Variants in SGCG observed in about 807,000 individuals in gnomAD.
SGCG encodes gamma-sarcoglycan.
In SGCG, 26 loss-of-function variants were observed where a neutral mutation model predicts 29.3. That is an observed-to-expected ratio of 0.89 (90% CI 0.65 to 1.23). SGCG has a LOEUF of 1.23. SGCG is among the 50% of genes most tolerant of loss of function. SGCG has a pLI of 0.00. For missense variants in SGCG, 353 were observed against 356.0 expected (o/e 0.99, Z 0.07); for synonymous variants, 145 against 129.7 (o/e 1.12, Z -0.80).
intron 1 of SGCG, among the ~76,000 whole-genome samples, chr13:23,189,797 A>G (rs1877165855): frequency 6.6e-6 from 1 of 152,186 alleles, no homozygotes; most frequent in Non-Finnish European, 1.5e-5. Context: ...ACTTAAGAGT[A>G]ATTTTCTTGG....
rs574086376 is a variant in SGCG at position 23,313,018 on chromosome 13, T to C, written c.579-7619T>C. On this transcript the variant is annotated intron_variant, in intron 6 of 7. Transcript: ENST00000218867. ...GCCATTGATAATCCTCTGAACTGTT[T>C]CCTGAAAATAAAAGATTAGGTTTTC... 9.2e-5 allele frequency among the ~76,000 whole-genome samples: 14 copies of C among 152,328 alleles called. No homozygotes were observed. In the South Asian group the frequency reaches 1.4e-3, roughly 16 times the overall value.
intron 5 of SGCG, among the ~76,000 whole-genome samples, chr13:23,290,582 A>G (rs748348289): frequency 1.1e-4 from 17 of 152,202 alleles, no homozygotes; most frequent in Non-Finnish European, 2.1e-4. Context: ...AGGCAGGTTG[A>G]AGTGGTTACA....
chr13:23,282,292 T>C (rs1881335969), intron 5 of SGCG, among the ~76,000 whole-genome samples: 1 of 152,226 alleles, frequency 6.6e-6, no homozygotes, highest in Non-Finnish European at 1.5e-5. Context: ...TCTCTAAACA[T>C]TGTGTAGTGC....
At chr13:23,210,100 A>G (rs1878134277) in intron 2 of SGCG, among the ~76,000 whole-genome samples, 1 of 152,232 alleles carries the variant, frequency 6.6e-6, no homozygotes, top group African/African-American at 2.4e-5. Flanking sequence ...ATTTTAAATA[A>G]CTAGGGAAGC....
intron 4 of SGCG, chr13:23,268,373 CAT>C (rs1880726313): frequency 6.6e-6 from 1 of 152,268 alleles, no homozygotes. Flanking sequence ...AATACACAAA[CAT>C]AAAGATGTGA....
At chr13:23,240,651 T>C (rs983214311) in intron 3 of SGCG, among the ~76,000 whole-genome samples, 18 of 152,278 alleles carry the variant, frequency 1.2e-4, no homozygotes, top group Admixed American at 5.9e-4. Context: ...AAGACAACTA[T>C]AACATAAATA....
At chr13:23,311,878 G>A (rs1359040553) in intron 6 of SGCG, among the ~76,000 whole-genome samples, 1 of 151,514 alleles carries the variant, frequency 6.6e-6, no homozygotes, top group Non-Finnish European at 1.5e-5. Context: ...GACCCTTTCT[G>A]GACAGATCAC....
Position 23,301,562 on chromosome 13 carries a change from G to A in SGCG, c.578+6075G>A, listed in dbSNP as rs572173374. The stretch of plus-strand genomic sequence containing the variant: ...GGCATCGCGATATTAATAGCAGACA[G>A]AATCAAAATTAGGAAAGAAATAGCA... On this transcript the variant is annotated intron_variant, in intron 6 of 7. Transcript: ENST00000218867. 1.4e-4 allele frequency among the ~76,000 whole-genome samples: 22 copies of A among 152,232 alleles called. No individual in the cohort carries two copies. In the South Asian group the frequency reaches 4.6e-3, roughly 32 times the overall value.
chr13:23,189,638 G>A (rs553272079), intron 1 of SGCG, among the ~76,000 whole-genome samples: 1 of 152,268 alleles, frequency 6.6e-6, no homozygotes, highest in Admixed American at 6.5e-5. Flanking sequence ...ATATTGGTAG[G>A]ATTTCTGGAC....
At chr13:23,221,231 T>G (rs534774230) in intron 2 of SGCG, among the ~76,000 whole-genome samples, 2 of 152,320 alleles carry the variant, frequency 1.3e-5, no homozygotes, top group African/African-American at 4.8e-5. Flanking sequence ...AAAAGAATAG[T>G]TGTTAGGATA....
chr13:23,180,972 T>C (rs1399762665), upstream of SGCG: 2 of 152,222 alleles, frequency 1.3e-5, no homozygotes, highest in Non-Finnish European at 2.9e-5. Flanking sequence ...CTTCATCCTT[T>C]GCTCTCATTC....
At chr13:23,318,133 T>C (rs1882894157) in intron 6 of SGCG, among the ~76,000 whole-genome samples, 1 of 152,204 alleles carries the variant, frequency 6.6e-6, no homozygotes, top group Non-Finnish European at 1.5e-5. Context: ...AGACAGCCTA[T>C]TGTGGGACCT....
chr13:23,285,373 CT>C (rs1452554510), intron 5 of SGCG, among the ~76,000 whole-genome samples: 1 of 152,134 alleles, frequency 6.6e-6, no homozygotes, highest in African/African-American at 2.4e-5. Flanking sequence ...GGGGATCCAC[CT>C]AGGTCAACCT....
chr13:23,288,555 C>T (rs965761954), intron 5 of SGCG, among the ~76,000 whole-genome samples: 6 of 152,106 alleles, frequency 3.9e-5, no homozygotes, highest in African/African-American at 1.2e-4. Context: ...AGTTTTTAAG[C>T]GAAATTTATG....
intron 1 of SGCG, among the ~76,000 whole-genome samples, chr13:23,188,310 G>GTTT (rs1877075009): frequency 9.3e-6 from 1 of 107,406 alleles, no homozygotes; most frequent in African/African-American, 3.6e-5. Context: ...TTTTACTAAG[G>GTTT]CTTTTTTTTT....
chr13:23,218,638 A>G (rs964530696), intron 2 of SGCG, among the ~76,000 whole-genome samples: 3 of 152,100 alleles, frequency 2.0e-5, no homozygotes, highest in Non-Finnish European at 4.4e-5. Context: ...AGAGTGACCA[A>G]TATTTCTGCA....
At chr13:23,307,688 CAAT>C (rs912833700) in intron 6 of SGCG, among the ~76,000 whole-genome samples, 5 of 151,566 alleles carry the variant, frequency 3.3e-5, no homozygotes, top group African/African-American at 1.2e-4. Flanking sequence ...AAATATAGGG[CAAT>C]AATATTAATA....
At chr13:23,219,993 G>A (rs1381311488) in intron 2 of SGCG, among the ~76,000 whole-genome samples, 1 of 79,994 alleles carries the variant, frequency 1.3e-5, no homozygotes, top group Non-Finnish European at 2.7e-5. Flanking sequence ...CTGCCACCAC[G>A]CCCGGTCAAT....
Position 23,233,434 on chromosome 13 carries a change from C to T in SGCG, c.196-1177C>T, listed in dbSNP as rs757774838. ...CATATACATATATTTCAAATTGTAC[C>T]CCAAAATGTGTACAATTACAATGTC... On this transcript the variant is annotated intron_variant, in intron 2 of 7. Coordinates refer to ENST00000218867, the MANE Select transcript of SGCG (RefSeq NM_000231.3). Among the ~76,000 whole-genome samples, 3 of 151,848 alleles carry T rather than the reference C, an allele frequency of 2.0e-5. No homozygotes were observed. In the South Asian group the frequency reaches 6.3e-4, roughly 32 times the overall value.
Sources: allele counts gnomAD v4.1 joint callset (sites outside exome capture counted in the v4.1 genomes callset), GRCh38; gene constraint gnomAD v4.1.1; transcripts MANE v1.5; gene names NCBI Gene and HGNC (gene_info 2026-07-23, HGNC 2026-07-21).